Variants in RAD23B observed in about 807,000 individuals in gnomAD.
The protein encoded by RAD23B is lysine-specific demethylase RAD23B.
Under a neutral mutation model 49.1 loss-of-function variants are expected in RAD23B, and 5 were observed. The observed-to-expected ratio is 0.10, with a 90% CI of 0.05 to 0.21. The LOEUF is 0.21. RAD23B is among the 10% of genes least tolerant of loss of function. The pLI, the probability that RAD23B is intolerant of heterozygous loss-of-function variation, is 1.00. For synonymous variants in RAD23B, 184 were observed against 165.4 expected (o/e 1.11, Z -0.86); for missense variants, 356 against 486.7 (o/e 0.73, Z 2.53).
chr9:107,302,858 G>A lies in RAD23B; in HGVS notation c.228+744G>A, dbSNP rs528732775. 2.0e-4 allele frequency among the ~76,000 whole-genome samples: 30 copies of A among 151,956 alleles called. No individual in the cohort carries two copies. The South Asian group carries it at 2.9e-3, about 15-fold the overall frequency. ...TTTTTAGTAGAGACAGGGTTTCACC[G>A]TGTTAGCCAGGATGGTCTCGATTTC... is the stretch of plus-strand genomic sequence containing the variant. On this transcript the variant is annotated intron_variant, in intron 3 of 9. Coordinates refer to ENST00000358015, the MANE Select transcript of RAD23B (RefSeq NM_002874.5).
chr9:107,327,756 T>C (rs979984500), intron 9 of RAD23B, among the ~76,000 whole-genome samples: 4 of 152,154 alleles, frequency 2.6e-5, no homozygotes, highest in African/African-American at 9.7e-5. Context: ...ATCTGATAGA[T>C]CTAGTTTGTA....
At chr9:107,284,773 A>T (rs1404083718) in intron 1 of RAD23B, 1 of 1,124,200 alleles carries the variant, frequency 8.9e-7, no homozygotes, top group Non-Finnish European at 1.1e-6. Flanking sequence ...GGTGGAGATC[A>T]GGGGCTTTGG....
chr9:107,315,326 T>C (rs144976638), intron 5 of RAD23B, among the ~76,000 whole-genome samples: 15 of 152,298 alleles, frequency 9.8e-5, no homozygotes, highest in African/African-American at 3.4e-4. Flanking sequence ...TCTGTTCCAT[T>C]GATTGATGTG....
chr9:107,315,242 G>C (rs988890113), intron 5 of RAD23B, among the ~76,000 whole-genome samples: 5 of 151,920 alleles, frequency 3.3e-5, no homozygotes, highest in African/African-American at 1.2e-4. Flanking sequence ...TCCTTTCCCC[G>C]GTGTATGTTT....
At chr9:107,293,838 C>T (rs1041022914) in intron 1 of RAD23B, among the ~76,000 whole-genome samples, 16 of 152,128 alleles carry the variant, frequency 1.1e-4, no homozygotes, top group African/African-American at 3.6e-4. Flanking sequence ...GGCTGGAGTA[C>T]GCTGACAAGA....
rs1827122500 is a variant in RAD23B at position 107,322,123 on chromosome 9, A to G, written c.817+5A>G. The G allele has an allele frequency of 6.3e-7, 1 of 1,594,260 alleles. No individual in the cohort carries two copies. Among genetic ancestry groups the G allele is most frequent in the Non-Finnish European group, 8.5e-7 (1 of 1,170,672 alleles). On this transcript the variant is annotated splice_donor_5th_base_variant and intron_variant, in intron 7 of 9. Coordinates refer to ENST00000358015, the MANE Select transcript of RAD23B (RefSeq NM_002874.5). ...CTACAACAACAAGTTCTGGAGGTAA[A>G]GCGGAATCTTCTGGATGGGGAGGGA...
intron 3 of RAD23B, among the ~76,000 whole-genome samples, chr9:107,302,537 GCTT>G (rs1826675806): frequency 6.6e-6 from 1 of 151,806 alleles, no homozygotes; most frequent in Non-Finnish European, 1.5e-5. Flanking sequence ...AGGCATGAAA[GCTT>G]ATTATTACAG....
chr9:107,298,073 C>T (rs1422253959), intron 1 of RAD23B, among the ~76,000 whole-genome samples: 5 of 152,100 alleles, frequency 3.3e-5, no homozygotes, highest in Non-Finnish European at 7.4e-5. Flanking sequence ...TTGTAGTTTT[C>T]CTAAATAATC....
intron 6 of RAD23B, 131 bp downstream of exon 6, chr9:107,319,010 A>C: frequency 1.2e-6 from 1 of 833,662 alleles, no homozygotes; most frequent in Admixed American, 4.0e-5. Context: ...TTTTTTTTCT[A>C]GTATGTTTGT....
At chr9:107,283,795 G>A in intron 1 of RAD23B, 100 bp downstream of exon 1, 2 of 1,147,322 alleles carry the variant, frequency 1.7e-6, no homozygotes, top group Non-Finnish European at 2.2e-6. Flanking sequence ...GGGAAGCCCC[G>A]GAGGGCGCGA....
In RAD23B at chr9:107,283,541, G is replaced by A; in HGVS notation, c.-89G>A. 1 of 977,498 alleles carries A rather than the reference G, an allele frequency of 1.0e-6. No homozygotes were observed. The highest frequency in any genetic ancestry group is 1.4e-6 in the Non-Finnish European group (1 of 717,386). The allele number at this position is 977,498 out of a possible 1,614,324, so 60.6% of individuals were successfully genotyped here. ...TTCCTCCCCAGAGCGCGAGGAGCGC[G>A]GGCGACCCCGGGGCCCCGCCAGGCC... On this transcript the variant is annotated 5_prime_UTR_variant, in exon 1 of 10. Transcript: ENST00000358015.
At chr9:107,300,796 T>G (rs948514472) in intron 2 of RAD23B, among the ~76,000 whole-genome samples, 1 of 152,138 alleles carries the variant, frequency 6.6e-6, no homozygotes, top group African/African-American at 2.4e-5. Flanking sequence ...ATATCCAAAT[T>G]TTTAGAGAAA....
rs765399938 is a variant in RAD23B at position 107,318,744 on chromosome 9, C to A, written c.554-8C>A. 1.2e-6 allele frequency: 2 copies of A among 1,605,180 alleles called. No individual in the cohort carries two copies. The highest frequency in any genetic ancestry group is 1.1e-5 in the South Asian group (1 of 89,974). On this transcript the variant is annotated splice_region_variant and splice_polypyrimidine_tract_variant and intron_variant, in intron 5 of 9. Coordinates refer to ENST00000358015, the MANE Select transcript of RAD23B (RefSeq NM_002874.5). The surrounding 1 kb of genome is among the most constrained non-coding windows in gnomAD (Gnocchi z 4.3). ...TTCCTTTTTTTCCCCTCCACCCTCC[C>A]TTTTTAGTGACGGGTCAGTCTTACG...
chr9:107,308,011 A>G (rs1826813538), intron 4 of RAD23B, among the ~76,000 whole-genome samples: 1 of 152,150 alleles, frequency 6.6e-6, no homozygotes, highest in Non-Finnish European at 1.5e-5. Context: ...ATGAGAGGGA[A>G]CTTACGCATT....
Position 107,318,739 on chromosome 9 carries a change from C to T in RAD23B, c.554-13C>T. The T allele has an allele frequency of 6.2e-7, 1 of 1,602,868 alleles. No individual in the cohort carries two copies. The highest frequency in any genetic ancestry group is 8.5e-7 in the Non-Finnish European group (1 of 1,172,886). On this transcript the variant is annotated splice_polypyrimidine_tract_variant and intron_variant, in intron 5 of 9. Coordinates refer to ENST00000358015, the MANE Select transcript of RAD23B (RefSeq NM_002874.5). The surrounding 1 kb of genome is among the most constrained non-coding windows in gnomAD (Gnocchi z 4.3). ...AAATGTTCCTTTTTTTCCCCTCCACCCTCCCTTTTTAGTGACGGGTCAGTC... is the reference window on the plus strand; with the variant it reads ...AAATGTTCCTTTTTTTCCCCTCCACTCTCCCTTTTTAGTGACGGGTCAGTC...
intron 5 of RAD23B, among the ~76,000 whole-genome samples, chr9:107,317,277 G>A (rs963732619): frequency 6.6e-6 from 1 of 152,094 alleles, no homozygotes; most frequent in Admixed American, 6.5e-5. Context: ...TTTAGAGATA[G>A]GACCTACCAG....
At chr9:107,296,604 T>C (rs1474039900) in intron 1 of RAD23B, among the ~76,000 whole-genome samples, 2 of 152,128 alleles carry the variant, frequency 1.3e-5, no homozygotes. Flanking sequence ...TCTCATTCTG[T>C]CACCCAGGCT....
chr9:107,322,277 C>T (rs754292694), intron 7 of RAD23B, among the ~76,000 whole-genome samples, 159 bp downstream of exon 7: 10 of 152,242 alleles, frequency 6.6e-5, no homozygotes, highest in Non-Finnish European at 1.2e-4. Context: ...CCAAAAGAAA[C>T]TTTCCCAAGT....
chr9:107,321,270 A>T (rs62569396), intron 6 of RAD23B, among the ~76,000 whole-genome samples: 47 of 1,518 alleles, frequency 0.031, no homozygotes, highest in East Asian at 0.18. Flanking sequence ...TATCTCATTT[A>T]TGAGATACTT....
Sources: gnomAD v4.1 joint callset for allele counts (sites outside exome capture counted in the v4.1 genomes callset) on GRCh38, gnomAD v4.1.1 for gene constraint, Gnocchi (gnomAD v3.1) non-coding constraint, MANE v1.5 for transcripts, NCBI Gene and HGNC (gene_info 2026-07-23, HGNC 2026-07-21) for gene names.